TSGA10: variants seen among roughly 807,000 people sequenced by gnomAD.
TSGA10 encodes the protein testis specific 10.
In TSGA10, 43 loss-of-function variants were observed where a neutral mutation model predicts 96.6. The ratio of observed to expected loss-of-function variants is 0.44; its 90% CI spans 0.35 to 0.57. The LOEUF (loss-of-function observed/expected upper bound fraction) is 0.57, where lower values mean the gene tolerates loss of function less well. Ranked by LOEUF, TSGA10 falls within the 20% of genes least tolerant of loss-of-function variation. TSGA10 has a pLI of 0.01. For synonymous variants in TSGA10, 229 were observed against 269.9 expected (o/e 0.85, Z 1.48); for missense variants, 703 against 834.4 (o/e 0.84, Z 1.94).
At chr2:99,060,749 C>A (rs1416163671) in intron 16 of TSGA10, among the ~76,000 whole-genome samples, 1 of 151,082 alleles carries the variant, frequency 6.6e-6, no homozygotes, top group Non-Finnish European at 1.5e-5. Context: ...GATGTATACC[C>A]AGAAGAGAGT....
At chr2:99,138,830 T>C (rs2093421174) in intron 1 of TSGA10, among the ~76,000 whole-genome samples, 1 of 152,152 alleles carries the variant, frequency 6.6e-6, no homozygotes, top group South Asian at 2.1e-4. Context: ...GGACTCCAGG[T>C]GAAGAAGCCC....
chr2:99,105,091 G>A (rs962606043), intron 9 of TSGA10, among the ~76,000 whole-genome samples: 1 of 152,030 alleles, frequency 6.6e-6, no homozygotes, highest in South Asian at 2.1e-4. Context: ...TGAGAAAGTA[G>A]ATAAGATCCC....
intron 17 of TSGA10, among the ~76,000 whole-genome samples, chr2:99,031,488 A>G (rs566825734): frequency 6.6e-6 from 1 of 152,266 alleles, no homozygotes; most frequent in Admixed American, 6.5e-5. Context: ...CCATAAAAGG[A>G]AAATTTATAA....
intron 17 of TSGA10, among the ~76,000 whole-genome samples, chr2:99,027,038 C>T (rs890283861): frequency 2.0e-5 from 3 of 152,126 alleles, no homozygotes; most frequent in South Asian, 2.1e-4. Flanking sequence ...ATAGGGTGCA[C>T]GCTTTTATGA....
At chr2:99,037,460 T>C (rs1239785978) in intron 16 of TSGA10, among the ~76,000 whole-genome samples, 1 of 152,142 alleles carries the variant, frequency 6.6e-6, no homozygotes, top group Non-Finnish European at 1.5e-5. Flanking sequence ...AAAATTAAAA[T>C]ATAACTTACC....
At chr2:99,069,529 G>T (rs2085663517) in intron 14 of TSGA10, among the ~76,000 whole-genome samples, 2 of 151,812 alleles carry the variant, frequency 1.3e-5, no homozygotes, top group African/African-American at 4.8e-5. Flanking sequence ...ATTTAAAAAA[G>T]AAACCTCAGC....
chr2:99,107,454 C>CT (rs998736299), intron 7 of TSGA10, among the ~76,000 whole-genome samples: 3 of 151,774 alleles, frequency 2.0e-5, no homozygotes, highest in Non-Finnish European at 4.4e-5. Flanking sequence ...TTTTGCCTGC[C>CT]TTTAAAAAAA....
chr2:99,022,896 T>C (rs759707129), intron 17 of TSGA10, among the ~76,000 whole-genome samples: 20 of 152,346 alleles, frequency 1.3e-4, no homozygotes, highest in Middle Eastern at 3.4e-3. Context: ...TGAAATAGTA[T>C]GGTTTTGATT....
intron 3 of TSGA10, among the ~76,000 whole-genome samples, chr2:99,117,969 A>G (rs189370089): frequency 3.3e-4 from 51 of 152,280 alleles, no homozygotes; most frequent in Admixed American, 3.1e-3. Flanking sequence ...TTTTATAGCA[A>G]TATCTTTCAA....
chr2:99,149,442 CTTTTT>C (rs35395900), intron 1 of TSGA10, among the ~76,000 whole-genome samples: 1 of 132,820 alleles, frequency 7.5e-6, no homozygotes, highest in African/African-American at 2.8e-5. Context: ...ACATGATCAT[CTTTTT>C]TTTTTTTTTT....
chr2:98,998,677 T>C (rs570198463), intron 20 of TSGA10, among the ~76,000 whole-genome samples: 7 of 152,278 alleles, frequency 4.6e-5, no homozygotes, highest in African/African-American at 1.7e-4. Context: ...GTGCTGTGTG[T>C]GGATTGTAAA....
rs143923672 is a variant in TSGA10, at chr2:99,118,610, C to T, written c.-415G>A. The T allele has an allele frequency of 7.6e-4, 746 of 984,358 alleles. 3 individuals carry two copies. In the African/African-American group the frequency reaches 0.01, roughly 13 times the overall value. 61.0% of individuals were successfully genotyped at this position (984,358 alleles called of 1,614,324 possible). On this transcript the variant is annotated 5_prime_UTR_variant, in exon 3 of 21. Transcript: ENST00000393483. The stretch of plus-strand genomic sequence containing the variant: ...TGCTGCCTAATGTGGAGGAACACAG[C>T]TTTCCTTCCCAGCCCACTATCAAAC...
intron 12 of TSGA10, among the ~76,000 whole-genome samples, chr2:99,076,338 C>T (rs2086697334): frequency 6.6e-6 from 1 of 152,168 alleles, no homozygotes; most frequent in South Asian, 2.1e-4. Context: ...TGTCACTACT[C>T]TCATTTCCCT....
chr2:99,134,592 A>G (rs147742804), intron 1 of TSGA10, among the ~76,000 whole-genome samples: 18 of 151,826 alleles, frequency 1.2e-4, no homozygotes, highest in Admixed American at 1.2e-3. Flanking sequence ...AATTTGTCAA[A>G]CTCATTCTCT....
At chr2:99,131,399 G>A (rs899005113) in intron 1 of TSGA10, among the ~76,000 whole-genome samples, 7 of 152,102 alleles carry the variant, frequency 4.6e-5, no homozygotes, top group Admixed American at 2.6e-4. Flanking sequence ...GTGAATGGGA[G>A]GTCACTCATG....
chr2:99,018,440 A>G, intron 19 of TSGA10, 91 bp from the exon 20 acceptor site: 1 of 1,568,024 alleles, frequency 6.4e-7, no homozygotes, highest in Admixed American at 1.9e-5. Flanking sequence ...TGAAAATCTA[A>G]CCATCATGAA....
intron 1 of TSGA10, among the ~76,000 whole-genome samples, chr2:99,137,914 T>C (rs1406221135): frequency 6.8e-6 from 1 of 146,570 alleles, no homozygotes; most frequent in African/African-American, 2.5e-5. Flanking sequence ...GGCACAGCCA[T>C]GATGAGTTGC....
At chr2:99,014,056 G>A (rs2079263239) in intron 20 of TSGA10, among the ~76,000 whole-genome samples, 1 of 152,306 alleles carries the variant, frequency 6.6e-6, no homozygotes, top group East Asian at 1.9e-4. Flanking sequence ...TTGGGAGTCT[G>A]AGGCACAAGA....
chr2:99,144,145 C>T (rs535999522), intron 1 of TSGA10, among the ~76,000 whole-genome samples: 8 of 152,222 alleles, frequency 5.3e-5, no homozygotes, highest in African/African-American at 1.4e-4. Flanking sequence ...CTCAGCCTCC[C>T]GAGCAGCTGG....
Sources: allele counts gnomAD v4.1 joint callset (sites outside exome capture counted in the v4.1 genomes callset), GRCh38; gene constraint gnomAD v4.1.1; transcripts MANE v1.5; gene names NCBI Gene and HGNC (gene_info 2026-07-23, HGNC 2026-07-21).